The following VPS37A variants were observed in gnomAD, a reference collection of about 807,000 sequenced individuals.
VPS37A encodes the protein VPS37A subunit of ESCRT-I, also known as vacuolar protein sorting-associated protein 37A.
In VPS37A, 30 loss-of-function variants were observed where a neutral mutation model predicts 49.8. The ratio of observed to expected loss-of-function variants is 0.60; its 90% confidence interval spans 0.45 to 0.82. The LOEUF (loss-of-function observed/expected upper bound fraction) is 0.82, where lower values mean the gene tolerates loss of function less well. VPS37A is among the 40% of genes least tolerant of loss of function. The probability of loss-of-function intolerance (pLI) is 0.00; values close to 1 mark genes in which losing one functional copy is unlikely to be tolerated. For synonymous variants in VPS37A, 195 were observed against 160.6 expected (o/e 1.21, Z -1.62); for missense variants, 593 against 464.4 (o/e 1.28, Z -2.55).
Position 17,247,020 on chromosome 8 carries a change from C to A in VPS37A, c.-225C>A, listed in dbSNP as rs1193595010. 1.7e-6 allele frequency: 1 copy of A among 599,550 alleles called. No homozygotes were observed. The highest frequency in any genetic ancestry group is 2.9e-6 in the Non-Finnish European group (1 of 344,636). 37.1% of individuals were successfully genotyped at this position (599,550 alleles called of 1,614,324 possible). ...GTCTGGGCCGTGAAGGTGGGACCTC[C>A]TGTTCCGGGCCGCAAGTTTCCCTCT... On this transcript the variant is annotated 5_prime_UTR_variant, in exon 1 of 12. In the 5' UTR this introduces an upstream ATG that the reference lacks. Transcript: ENST00000324849.
chr8:17,248,463 A>T, intron 1 of VPS37A: 1 of 441,452 alleles, frequency 2.3e-6, no homozygotes, highest in Non-Finnish European at 4.6e-6. Flanking sequence ...TTTAGTAGAG[A>T]CGGGGTTTCA....
chr8:17,309,456 G>T, the VPS37A span: 3 of 689,466 alleles, frequency 4.4e-6, no homozygotes, highest in South Asian at 1.6e-5. Context: ...GCAAATGCAT[G>T]AACAGGCATT....
the VPS37A span, among the ~76,000 whole-genome samples, chr8:17,316,463 G>T: frequency 1.1e-5 from 1 of 94,180 alleles, no homozygotes; most frequent in African/African-American, 5.5e-5. Context: ...AAACAGTACA[G>T]TAAAAAAAAA....
chr8:17,248,398 C>T, intron 1 of VPS37A: 1 of 455,500 alleles, frequency 2.2e-6, no homozygotes, highest in Non-Finnish European at 4.4e-6. Flanking sequence ...CCACACCCCT[C>T]CGAGTAGCTG....
intron 1 of VPS37A, among the ~76,000 whole-genome samples, chr8:17,253,478 T>C (rs1812159857): frequency 6.6e-6 from 1 of 152,216 alleles, no homozygotes; most frequent in South Asian, 2.1e-4. Context: ...GTGATGTGAC[T>C]GGTGGAAAGA....
chr8:17,247,958 C>T (rs980111052), intron 1 of VPS37A: 6 of 585,394 alleles, frequency 1.0e-5, no homozygotes, highest in Middle Eastern at 4.5e-4. Flanking sequence ...TTTCTCACTT[C>T]TTTCATAGTC....
intron 9 of VPS37A, among the ~76,000 whole-genome samples, chr8:17,283,654 G>A (rs147905536): frequency 6.6e-6 from 1 of 152,090 alleles, no homozygotes; most frequent in East Asian, 1.9e-4. Context: ...AAAATCATTT[G>A]GCCATATGTG....
chr8:17,332,080 G>C, the VPS37A span, among the ~76,000 whole-genome samples: 1 of 152,128 alleles, frequency 6.6e-6, no homozygotes, highest in Non-Finnish European at 1.5e-5. Flanking sequence ...TCGGTTTCTA[G>C]AATGTGTAAA....
chr8:17,270,362 T>G (rs1254349549), intron 4 of VPS37A, among the ~76,000 whole-genome samples: 1 of 152,212 alleles, frequency 6.6e-6, no homozygotes, highest in Non-Finnish European at 1.5e-5. Context: ...CTCCACTTTT[T>G]GCATTACCTG....
chr8:17,301,331 G>C (rs910962650), downstream of VPS37A, among the ~76,000 whole-genome samples: 1 of 152,184 alleles, frequency 6.6e-6, no homozygotes, highest in African/African-American at 2.4e-5. Flanking sequence ...GTAAGTTTCA[G>C]GGAGGAAGGA....
the VPS37A span, among the ~76,000 whole-genome samples, chr8:17,320,023 C>G: frequency 3.3e-5 from 5 of 152,056 alleles, no homozygotes; most frequent in East Asian, 9.6e-4. Flanking sequence ...GCATGCTACA[C>G]ACAAAAAATG....
At position 17,247,386 on chromosome 8, in the gene VPS37A, T is replaced by C. The variant is rs1372223515; in HGVS notation, c.125+17T>C. ...ACACTCCAGGTGACTGGTCGCTGCC[T>C]CTCCACCGGAGGAAAAAGTAGGGTG... is the stretch of plus-strand genomic sequence containing the variant. On this transcript the variant is annotated intron_variant, in intron 1 of 11. Coordinates refer to ENST00000324849, the MANE Select transcript of VPS37A (RefSeq NM_152415.3). 5 of 450,638 alleles carry C rather than the reference T, an allele frequency of 1.1e-5. No individual in the cohort carries two copies. Among genetic ancestry groups the C allele is most frequent in the South Asian group, 1.7e-5 (1 of 58,666 alleles). 27.9% of individuals were successfully genotyped at this position (450,638 alleles called of 1,614,324 possible).
intron 11 of VPS37A, among the ~76,000 whole-genome samples, chr8:17,293,969 G>C (rs1816377338): frequency 6.6e-6 from 1 of 152,242 alleles, no homozygotes; most frequent in Non-Finnish European, 1.5e-5. Context: ...TCTTAGCAGA[G>C]CTAGAGCATG....
chr8:17,282,590 C>A (rs1025253494), intron 9 of VPS37A, among the ~76,000 whole-genome samples: 2 of 152,046 alleles, frequency 1.3e-5, no homozygotes, highest in African/African-American at 4.8e-5. Context: ...ACAACAAATA[C>A]TAATGCCAGT....
chr8:17,300,033 A>C, downstream of VPS37A: 1 of 1,614,114 alleles, frequency 6.2e-7, no homozygotes, highest in South Asian at 1.1e-5. Context: ...CTTGGGTTAG[A>C]ATCAGAGCAG....
At chr8:17,266,454 A>G (rs533410013) in intron 2 of VPS37A, among the ~76,000 whole-genome samples, 1 of 152,292 alleles carries the variant, frequency 6.6e-6, no homozygotes, top group African/African-American at 2.4e-5. Context: ...TTAAAAGTAT[A>G]ATTATGAGGG....
At chr8:17,317,370 C>G in the VPS37A span, among the ~76,000 whole-genome samples, 2 of 152,194 alleles carry the variant, frequency 1.3e-5, no homozygotes, top group Non-Finnish European at 2.9e-5. Flanking sequence ...ATGGAATCTT[C>G]TGAACACCTG....
intron 11 of VPS37A, among the ~76,000 whole-genome samples, chr8:17,291,099 C>T (rs529190491): frequency 1.7e-4 from 26 of 152,188 alleles, no homozygotes; most frequent in Admixed American, 3.9e-4. Flanking sequence ...CTGCAGCCTC[C>T]GCCTCCCAGG....
At chr8:17,323,824 G>T in the VPS37A span, among the ~76,000 whole-genome samples, 1 of 152,134 alleles carries the variant, frequency 6.6e-6, no homozygotes, top group Non-Finnish European at 1.5e-5. Flanking sequence ...ACTGTCTTGA[G>T]TTTGATGGGC....
Sources: allele counts gnomAD v4.1 joint callset (sites outside exome capture counted in the v4.1 genomes callset), GRCh38; gene constraint gnomAD v4.1.1; transcripts MANE v1.5; gene names NCBI Gene and HGNC (gene_info 2026-07-23, HGNC 2026-07-21).